Variants in GALK2 observed in about 807,000 individuals in gnomAD.
The protein encoded by GALK2 is galactokinase 2, also known as N-acetylgalactosamine kinase.
A neutral mutation model predicts 52.4 loss-of-function variants in GALK2; 36 were observed. That is an observed-to-expected ratio of 0.69 (90% CI 0.53 to 0.91). The LOEUF is 0.91. GALK2 is among the 40% of genes least tolerant of loss of function. The probability of loss-of-function intolerance (pLI) is 0.00; values close to 1 mark genes in which losing one functional copy is unlikely to be tolerated. For missense variants in GALK2, 579 were observed against 559.1 expected, an observed-to-expected ratio of 1.04 and a Z score of -0.36; for synonymous variants, 176 against 199.1, an observed-to-expected ratio of 0.88 and a Z score of 0.98.
intron 2 of GALK2, among the ~76,000 whole-genome samples, chr15:49,203,276 C>G (rs533230351): frequency 1.3e-5 from 2 of 152,162 alleles, no homozygotes; most frequent in Admixed American, 6.5e-5. Context: ...GTCTTGAACT[C>G]CTGACCTCAG....
chr15:49,322,942 G>A (rs961036770), intron 9 of GALK2, among the ~76,000 whole-genome samples: 2 of 136,614 alleles, frequency 1.5e-5, no homozygotes, highest in African/African-American at 5.6e-5. Context: ...GTGGGACAGA[G>A]CAAGACTCCA....
chr15:49,272,628 AT>A (rs1269165099), intron 5 of GALK2, among the ~76,000 whole-genome samples: 2 of 152,180 alleles, frequency 1.3e-5, no homozygotes, highest in Non-Finnish European at 2.9e-5. Context: ...TCATGTTAAT[AT>A]TTTAACAGTT....
chr15:49,228,281 T>A (rs2141438583), intron 3 of GALK2, among the ~76,000 whole-genome samples: 1 of 152,198 alleles, frequency 6.6e-6, no homozygotes, highest in African/African-American at 2.4e-5. Flanking sequence ...ACTGGGGAAG[T>A]TTTCAGCTAT....
chr15:49,296,364 A>G (rs981450273), intron 8 of GALK2, among the ~76,000 whole-genome samples: 3 of 152,186 alleles, frequency 2.0e-5, no homozygotes, highest in Non-Finnish European at 2.9e-5. Context: ...CTTACAATTG[A>G]GAACATATGG....
At chr15:49,356,745 CTACAGAACTCT>C (rs1429888145) in intron 3 of GALK2, among the ~76,000 whole-genome samples, 1 of 45,424 alleles carries the variant, frequency 2.2e-5, no homozygotes, top group Admixed American at 2.3e-4. Flanking sequence ...TAATAGACAT[CTACAGAACTCT>C]CCACCCCAAA....
chr15:49,251,459 A>G (rs78757865), intron 5 of GALK2, among the ~76,000 whole-genome samples: 9,186 of 152,254 alleles, frequency 0.06, 553 homozygotes, highest in African/African-American at 0.15. Flanking sequence ...AGACATGAAG[A>G]GACCTTCTAG....
chr15:49,176,327 A>G (rs1040935482), intron 1 of GALK2, among the ~76,000 whole-genome samples: 7 of 152,170 alleles, frequency 4.6e-5, no homozygotes, highest in Non-Finnish European at 1.0e-4. Flanking sequence ...ACAAGTTAGG[A>G]ACCACCCCAT....
At chr15:49,222,110 T>A (rs12440534) in intron 3 of GALK2, among the ~76,000 whole-genome samples, 41,897 of 152,008 alleles carry the variant, frequency 0.28, 6,260 homozygotes, top group East Asian at 0.43. Flanking sequence ...TCCTTAGAGA[T>A]CTTTCATCTC....
At chr15:49,305,429 CT>C (rs2035470328) in intron 8 of GALK2, among the ~76,000 whole-genome samples, 1 of 152,074 alleles carries the variant, frequency 6.6e-6, no homozygotes, top group African/African-American at 2.4e-5. Flanking sequence ...CTTGTTTTGT[CT>C]TTAGAAAGGA....
At chr15:49,177,667 A>T in intron 1 of GALK2, 1 of 337,116 alleles carries the variant, frequency 3.0e-6, no homozygotes, top group South Asian at 4.3e-5. Flanking sequence ...AATCACCAGG[A>T]GTGTGGTGGA....
chr15:49,270,393 G>A (rs1392903260), intron 5 of GALK2, among the ~76,000 whole-genome samples: 1 of 151,840 alleles, frequency 6.6e-6, no homozygotes, highest in African/African-American at 2.4e-5. Context: ...TTCCCTGGGG[G>A]TGCTAAATTC....
At chr15:49,193,234 G>A (rs1057173902) in intron 1 of GALK2, among the ~76,000 whole-genome samples, 1 of 152,010 alleles carries the variant, frequency 6.6e-6, no homozygotes, top group Non-Finnish European at 1.5e-5. Flanking sequence ...CTGACCTCAG[G>A]CAGTCCACTC....
intron 3 of GALK2, among the ~76,000 whole-genome samples, chr15:49,235,419 T>C (rs1034757934): frequency 2.0e-5 from 3 of 151,552 alleles, no homozygotes; most frequent in African/African-American, 7.3e-5. Flanking sequence ...TGTTTATTTG[T>C]TTTTTTTTCT....
At chr15:49,278,259 T>TA (rs2032174031) in intron 5 of GALK2, among the ~76,000 whole-genome samples, 1 of 152,140 alleles carries the variant, frequency 6.6e-6, no homozygotes, top group East Asian at 1.9e-4. Flanking sequence ...AGACACTGAC[T>TA]CAAAAAAACA....
At chr15:49,351,856 G>A (rs1275238094) in intron 3 of GALK2, among the ~76,000 whole-genome samples, 2 of 152,192 alleles carry the variant, frequency 1.3e-5, no homozygotes, top group African/African-American at 4.8e-5. Flanking sequence ...GTGGATGTGG[G>A]CTAGCTTGGG....
chr15:49,261,479 G>T (rs942453871), intron 5 of GALK2, among the ~76,000 whole-genome samples: 6 of 151,992 alleles, frequency 3.9e-5, no homozygotes, highest in African/African-American at 1.5e-4. Flanking sequence ...TGAGACAATG[G>T]GGTTTTCCAG....
chr15:49,272,338 T>G (rs1408628271), intron 5 of GALK2, among the ~76,000 whole-genome samples: 1 of 152,100 alleles, frequency 6.6e-6, no homozygotes, highest in African/African-American at 2.4e-5. Context: ...TTCTTCACTT[T>G]TTTGTTAATA....
intron 3 of GALK2, among the ~76,000 whole-genome samples, chr15:49,218,084 G>A (rs976138078): frequency 6.6e-6 from 1 of 152,078 alleles, no homozygotes; most frequent in Non-Finnish European, 1.5e-5. Context: ...ATTTTGGCTT[G>A]TATTTGGCAT....
chr15:49,344,190 A>G (rs941584843), intron 3 of GALK2: 1 of 152,208 alleles, frequency 6.6e-6, no homozygotes, highest in Non-Finnish European at 1.5e-5. Flanking sequence ...TAGAAGCATT[A>G]ATGTAATCAA....
Sources: gnomAD v4.1 joint callset for allele counts (sites outside exome capture counted in the v4.1 genomes callset) on GRCh38, gnomAD v4.1.1 for gene constraint, MANE v1.5 for transcripts, NCBI Gene and HGNC (gene_info 2026-07-23, HGNC 2026-07-21) for gene names.